The following CUBN variants were observed in gnomAD, a reference collection of about 807,000 sequenced individuals.
CUBN encodes cubilin.
A neutral mutation model predicts 405.3 loss-of-function variants in CUBN; 282 were observed. The ratio of observed to expected loss-of-function variants is 0.70; its 90% CI spans 0.63 to 0.77. The LOEUF is 0.77. Ranked by LOEUF, CUBN falls within the 30% of genes least tolerant of loss-of-function variation. CUBN has a pLI of 0.00. For synonymous variants in CUBN, 1,684 were observed against 1,617.0 expected (o/e 1.04, Z -0.99); for missense variants, 4,514 against 4,475.2 (o/e 1.01, Z -0.25).
intron 46 of CUBN, among the ~76,000 whole-genome samples, chr10:16,915,519 C>T (rs1841858235): frequency 6.6e-6 from 1 of 152,180 alleles, no homozygotes; most frequent in African/African-American, 2.4e-5. Context: ...AGCTATAGAA[C>T]ACCCCTCAAA....
At chr10:16,935,879 C>CA (rs369098280) in intron 39 of CUBN, among the ~76,000 whole-genome samples, 39,527 of 70,886 alleles carry the variant, frequency 0.56, 9,844 homozygotes, top group East Asian at 0.7. Flanking sequence ...GACTCCATCT[C>CA]AAAAAAAAAA....
At chr10:16,981,232 G>C (rs952062000) in intron 31 of CUBN, among the ~76,000 whole-genome samples, 1 of 143,760 alleles carries the variant, frequency 7.0e-6, no homozygotes, top group South Asian at 2.2e-4. Context: ...ACGTCAAGAG[G>C]AGAAGAAGGA....
chr10:17,036,997 ACAACCTATATC>A (rs1834917934), intron 27 of CUBN, among the ~76,000 whole-genome samples: 1 of 152,194 alleles, frequency 6.6e-6, no homozygotes, highest in African/African-American at 2.4e-5. Flanking sequence ...CTGAATATGA[ACAACCTATATC>A]TGCCTCACTT....
At chr10:16,923,131 C>T (rs1249871605) in intron 43 of CUBN, among the ~76,000 whole-genome samples, 5 of 152,088 alleles carry the variant, frequency 3.3e-5, no homozygotes, top group Non-Finnish European at 7.4e-5. Context: ...AACCACCGTG[C>T]CCAGCCTTAT....
At chr10:17,040,762 G>T (rs1009547619) in intron 27 of CUBN, among the ~76,000 whole-genome samples, 4 of 151,876 alleles carry the variant, frequency 2.6e-5, no homozygotes, top group Non-Finnish European at 5.9e-5. Flanking sequence ...AAAAATAGAG[G>T]TTATTACTCT....
chr10:17,035,001 G>A (rs912921013), intron 27 of CUBN, among the ~76,000 whole-genome samples: 2 of 151,544 alleles, frequency 1.3e-5, no homozygotes, highest in Non-Finnish European at 2.9e-5. Flanking sequence ...CCTTAACTTA[G>A]AGCCTGTGAT....
chr10:17,020,098 TG>T, intron 27 of CUBN, 115 bp from the exon 28 acceptor site: 4 of 1,130,450 alleles, frequency 3.5e-6, no homozygotes, highest in Non-Finnish European at 5.3e-6. Flanking sequence ...GAGGTAAATC[TG>T]CTGAGGTGGG....
intron 50 of CUBN, among the ~76,000 whole-genome samples, chr10:16,905,814 A>T (rs1204476718): frequency 6.6e-6 from 1 of 152,150 alleles, no homozygotes; most frequent in African/African-American, 2.4e-5. Context: ...GTCTCCAAGC[A>T]TATGAAGAAT....
chr10:16,840,333 C>T lies in CUBN; in HGVS notation c.10029G>A (p.Pro3343=), dbSNP rs370204059. The change falls in exon 62 of 67, where the codon CCG becomes CCA. Residue 3343 remains proline (P), a synonymous_variant. Coordinates refer to ENST00000377833, the MANE Select transcript of CUBN (RefSeq NM_001081.4). ...CCATTCATCTTATAATTGTTACCTG[C>T]GGTGAGTCCTGAAGCTGTAAGTAAT... ...TQNYLQLQDS[P]QGHGNSRFQF... 29 of 1,613,356 alleles carry T rather than the reference C, an allele frequency of 1.8e-5. No homozygotes were observed. The highest frequency in any genetic ancestry group is 1.6e-4 in the Middle Eastern group (1 of 6,084).
chr10:16,967,991 A>AAGAGAGAGAGAGAGAGGAAAAGAG (rs3047254), intron 31 of CUBN, among the ~76,000 whole-genome samples: 3 of 145,152 alleles, frequency 2.1e-5, no homozygotes, highest in Non-Finnish European at 4.5e-5. Context: ...GAGAGAGGAA[A>AAGAGAGAGAGAGAGAGGAAAAGAG]AGAGAGAGAG....
chr10:16,915,056 G>C lies in CUBN; in HGVS notation c.7327C>G (p.Leu2443Val). The C allele has an allele frequency of 6.2e-7, 1 of 1,613,980 alleles. No homozygotes were observed. Among genetic ancestry groups the C allele is most frequent in the Non-Finnish European group, 8.5e-7 (1 of 1,179,934 alleles). Reference protein sequence around the residue: ...DGSVTASGFRLRFESSMEECG... With the variant: ...DGSVTASGFRVRFESSMEECG... ...CCTTCCATACTGGATTCAAATCGCA[G>C]TCTGAATCCTGAGGCAGTCACAGAG... Residue 2443 changes from leucine (L) to valine (V), a missense_variant, in exon 47 of 67, where the codon CTG (leucine) becomes GTG (valine). This residue lies in a region of CUBN where 1,613 missense variants were observed against 1,542.8 expected (regional missense o/e 1.05). Transcript: ENST00000377833.
At chr10:17,122,170 T>G (rs1837058406) in intron 6 of CUBN, 1 of 154,976 alleles carries the variant, frequency 6.5e-6, no homozygotes, top group Admixed American at 6.4e-5. Context: ...GAAAGTTTCC[T>G]GCAGAAAGTG....
At chr10:16,914,056 A>G (rs1184089768) in intron 47 of CUBN, 64 bp from the exon 48 acceptor site, 4 of 1,561,436 alleles carry the variant, frequency 2.6e-6, no homozygotes, top group Non-Finnish European at 3.5e-6. Flanking sequence ...CCATCAAGAA[A>G]GCTCTCAAAA....
intron 9 of CUBN, 75 bp downstream of exon 9, chr10:17,110,844 G>A: frequency 6.3e-7 from 1 of 1,595,482 alleles, no homozygotes; most frequent in Non-Finnish European, 8.6e-7. Flanking sequence ...TTTAAATGGA[G>A]CACTAGATTC....
chr10:17,084,468 A>T lies in CUBN; in HGVS notation c.2111-7T>A. On this transcript the variant is annotated splice_polypyrimidine_tract_variant and splice_region_variant and intron_variant, in intron 16 of 66. Transcript: ENST00000377833. ...CCACCACAACGCAGATCCGCTAAGAACAGGGAAGAGACGAACAGGTCATGG... is the reference window on the plus strand; with the variant it reads ...CCACCACAACGCAGATCCGCTAAGATCAGGGAAGAGACGAACAGGTCATGG... 6.2e-7 allele frequency: 1 copy of T among 1,612,306 alleles called. No homozygotes were observed.
At chr10:17,077,472 C>T (rs7081149) in intron 17 of CUBN, among the ~76,000 whole-genome samples, 23,510 of 152,168 alleles carry the variant, frequency 0.15, 2,067 homozygotes, top group Middle Eastern at 0.3. Flanking sequence ...TGTCTTAATA[C>T]GCACGCTCAT....
chr10:16,840,288 A>G (rs1197432035), intron 62 of CUBN, 42 bp downstream of exon 62: 1 of 1,516,518 alleles, frequency 6.6e-7, no homozygotes, highest in African/African-American at 1.4e-5. Flanking sequence ...TACTGGTGAA[A>G]AGGTCACTAG....
chr10:16,856,307 C>T (rs1258128153), intron 59 of CUBN, among the ~76,000 whole-genome samples: 1 of 152,102 alleles, frequency 6.6e-6, no homozygotes, highest in East Asian at 1.9e-4. Context: ...TGATGACACA[C>T]CCTGCGTCCA....
intron 64 of CUBN, 100 bp from the exon 65 acceptor site, chr10:16,831,517 C>T (rs1278083957): frequency 1.9e-5 from 22 of 1,134,896 alleles, no homozygotes; most frequent in Non-Finnish European, 2.6e-5. Flanking sequence ...GTCGGAAAAG[C>T]TTTGTCTTTT....
Sources: allele counts gnomAD v4.1 joint callset (sites outside exome capture counted in the v4.1 genomes callset), GRCh38; gene constraint gnomAD v4.1.1; regional missense constraint gnomAD v4.1.1; transcripts MANE v1.5; gene names NCBI Gene and HGNC (gene_info 2026-07-23, HGNC 2026-07-21).